Variants in WIPI1 observed in about 807,000 individuals in gnomAD.
WIPI1 encodes WD repeat domain phosphoinositide-interacting protein 1.
Under a neutral mutation model 55.3 loss-of-function variants are expected in WIPI1, and 45 were observed. The observed-to-expected ratio is 0.81, with a 90% CI of 0.64 to 1.04. WIPI1 has a LOEUF of 1.04. WIPI1 is among the 50% of genes least tolerant of loss of function. WIPI1 has a pLI of 0.00. For synonymous variants in WIPI1, 195 were observed against 217.6 expected (o/e 0.90, Z 0.92); for missense variants, 445 against 559.0 (o/e 0.80, Z 2.06).
In WIPI1 at chr17:68,423,211, TA is replaced by T. The variant is rs2082924768; in HGVS notation, c.1294-1392del. Among the ~76,000 whole-genome samples the T allele has an allele frequency of 6.6e-6, 1 of 152,186 alleles. No homozygotes were observed. Among genetic ancestry groups the T allele is most frequent in the African/African-American group, 2.4e-5 (1 of 41,454 alleles). The stretch of plus-strand genomic sequence containing the variant: ...GTGAATTCTGCACAGAGATTTGCAA[TA>T]GGCATGACAATTCAGAATAAGGAGA... On this transcript the variant is annotated intron_variant, in intron 12 of 12. Transcript: ENST00000262139. This position sits in a 1 kb window ranked among gnomAD's most constrained non-coding sequence, Gnocchi z 4.4.
chr17:68,426,538 GTTTTTA>G (rs999191148), intron 11 of WIPI1, among the ~76,000 whole-genome samples: 3 of 151,996 alleles, frequency 2.0e-5, no homozygotes, highest in Admixed American at 6.6e-5. Flanking sequence ...TTTTAGTTTA[GTTTTTA>G]TTTTTTGAAA....
At chr17:68,455,236 G>A (rs980049367) in intron 1 of WIPI1, among the ~76,000 whole-genome samples, 2 of 151,754 alleles carry the variant, frequency 1.3e-5, no homozygotes, top group African/African-American at 4.8e-5. Flanking sequence ...GGTGGTACAC[G>A]TTTGTAATCC....
At chr17:68,428,777 C>T in intron 10 of WIPI1, 52 bp downstream of exon 10, 1 of 1,435,554 alleles carries the variant, frequency 7.0e-7, no homozygotes, top group Non-Finnish European at 9.8e-7. Flanking sequence ...GAAGGGACAA[C>T]TCTACACGAC....
At chr17:68,434,482 C>A in intron 7 of WIPI1, 74 bp downstream of exon 7, 1 of 1,525,866 alleles carries the variant, frequency 6.6e-7, no homozygotes, top group South Asian at 1.2e-5. Flanking sequence ...TCTGTCCTCT[C>A]CCTAGACAGC....
rs534616610 is a variant in WIPI1, at chr17:68,425,289, G to A, written c.1293+786C>T. The stretch of plus-strand genomic sequence containing the variant: ...CACAATCAGAGCTCACTGCAGCCTC[G>A]ACCTCCCAGGCTCAGGTGATCCTCC... On this transcript the variant is annotated intron_variant, in intron 12 of 12. Coordinates refer to ENST00000262139, the MANE Select transcript of WIPI1 (RefSeq NM_017983.7). 7.6e-4 allele frequency among the ~76,000 whole-genome samples: 115 copies of A among 152,158 alleles called. 2 individuals carry two copies. The South Asian group carries it at 0.023, about 31-fold the overall frequency.
intron 12 of WIPI1, among the ~76,000 whole-genome samples, chr17:68,425,478 C>T (rs1316198417): frequency 1.3e-5 from 2 of 151,566 alleles, no homozygotes; most frequent in South Asian, 2.1e-4. Flanking sequence ...GCCTCGGCCT[C>T]CCAAAGTGCT....
intron 3 of WIPI1, among the ~76,000 whole-genome samples, chr17:68,449,995 G>A (rs2909209): frequency 0.78 from 117,952 of 152,046 alleles, 46,110 homozygotes; most frequent in African/African-American, 0.85. Context: ...TGGGCAATAG[G>A]GCAAGACCCT....
chr17:68,450,933 G>C lies in WIPI1; in HGVS notation c.164-36C>G, dbSNP rs540887274. On this transcript the variant is annotated intron_variant, in intron 2 of 12. Transcript: ENST00000262139. The stretch of plus-strand genomic sequence containing the variant: ...AAGCAGCCGGGAGGTTACATGGATT[G>C]ATCACTTCCAAGAAGGATTCCAGCC... The C allele has an allele frequency of 4.7e-5, 75 of 1,587,258 alleles. No homozygotes were observed. In the East Asian group the frequency reaches 1.2e-3, roughly 26 times the overall value.
At chr17:68,448,810 C>A (rs1020611816) in intron 3 of WIPI1, among the ~76,000 whole-genome samples, 1 of 152,220 alleles carries the variant, frequency 6.6e-6, no homozygotes, top group Non-Finnish European at 1.5e-5. Flanking sequence ...CAACAGATTT[C>A]AGTGAAAACA....
intron 1 of WIPI1, among the ~76,000 whole-genome samples, chr17:68,454,894 TGTTTTATGTG>T (rs2084607585): frequency 1.2e-5 from 1 of 86,708 alleles, no homozygotes; most frequent in Non-Finnish European, 2.9e-5. Flanking sequence ...CACAGAGTGA[TGTTTTATGTG>T]ATGTTTTACG....
rs749189899 is a variant in WIPI1 at position 68,427,122 on chromosome 17, C to G, written c.1192+13G>C. 1 of 1,608,498 alleles carries G rather than the reference C, an allele frequency of 6.2e-7. No individual in the cohort carries two copies. Among genetic ancestry groups the G allele is most frequent in the African/African-American group, 1.3e-5 (1 of 74,678 alleles). The stretch of plus-strand genomic sequence containing the variant: ...GTTGGAGATGCTCCCCTGTTGGCCC[C>G]GTGTCCACCCACCTGGCACCGTGGA... On this transcript the variant is annotated intron_variant, in intron 11 of 12. Transcript: ENST00000262139.
chr17:68,426,254 G>GGGCCGCCCCCCCCC, intron 11 of WIPI1, 79 bp from the exon 12 acceptor site: 1 of 816,924 alleles, frequency 1.2e-6, no homozygotes, highest in Non-Finnish European at 1.9e-6. Context: ...GGGAGCGGGG[G>GGGCCGCCCCCCCCC]CTCAAATAAA....
At chr17:68,427,556 CA>C (rs1294657841) in intron 10 of WIPI1, 7 of 214,988 alleles carry the variant, frequency 3.3e-5, no homozygotes, top group Non-Finnish European at 6.6e-5. Context: ...TGGGTTTCAC[CA>C]TGTTGGCCAG....
intron 12 of WIPI1, 59 bp downstream of exon 12, chr17:68,426,016 G>T (rs765080044): frequency 1.4e-6 from 2 of 1,392,132 alleles, no homozygotes; most frequent in Non-Finnish European, 2.0e-6. Context: ...CGTATGAGGC[G>T]AAGGTTTCCT....
Position 68,450,685 on chromosome 17 carries a change from C to CA in WIPI1, c.333+42_333+43insT, listed in dbSNP as rs2084465970. 2.6e-6 allele frequency: 4 copies of CA among 1,563,020 alleles called. No homozygotes were observed. The African/African-American group carries it at 5.5e-5, about 22-fold the overall frequency. Reference sequence around the variant, plus strand: ...GATGTCCATCTTTTTGTTTGGCTCCCGTTAGCAGAAGCTTTGAAACCCTGA... The same window carrying CA: ...GATGTCCATCTTTTTGTTTGGCTCCCAGTTAGCAGAAGCTTTGAAACCCTGA... On this transcript the variant is annotated intron_variant, in intron 3 of 12. Coordinates refer to ENST00000262139, the MANE Select transcript of WIPI1 (RefSeq NM_017983.7).
chr17:68,426,124 T>C lies in WIPI1; in HGVS notation c.1244A>G (p.Glu415Gly). 1 of 1,612,426 alleles carries C rather than the reference T, an allele frequency of 6.2e-7. No homozygotes were observed. Among genetic ancestry groups the C allele is most frequent in the South Asian group, 1.1e-5 (1 of 91,006 alleles). ...ALRGEVIPEHEFATGPVCLDD... is the reference protein window; with the variant it reads ...ALRGEVIPEHGFATGPVCLDD... ...AAGACACACTGGTCCCGTCGCAAAC[T>C]CATGTTCAGGAATAACTTCTCCTCG... Residue 415 changes from glutamate to glycine, a missense_variant, in exon 12 of 13, where the codon GAG (glutamate) becomes GGG (glycine). Physicochemically the swap from Glu to Gly is moderately conservative, Grantham distance 98. Transcript: ENST00000262139.
Position 68,430,015 on chromosome 17 carries a change from TC to T in WIPI1, c.945del (p.Asn316ThrfsTer15), listed in dbSNP as rs778463639. ...ATARLNFSGQRNICTLSTIQK... is the reference protein window; with the variant it reads ...ATARLNFSGQXNICTLSTIQK... ...ACGTACGTTGAGAGGGTACAGATGT[TC>T]CTCTGTCCGGAGAAGTTCAAGCGTG... On this transcript the variant is annotated frameshift_variant, in exon 9 of 13. Transcript: ENST00000262139. LOFTEE classifies it high-confidence loss of function. The T allele has an allele frequency of 3.1e-6, 5 of 1,614,066 alleles. No individual in the cohort carries two copies. The highest frequency in any genetic ancestry group is 4.2e-6 in the Non-Finnish European group (5 of 1,180,042).
rs556777098 is a variant in WIPI1 at position 68,433,760 on chromosome 17, G to GTTTTTTTTTT, written c.693-195_693-186dup. Among the ~76,000 whole-genome samples the GTTTTTTTTTT allele has an allele frequency of 2.3e-4, 17 of 72,822 alleles. 3 individuals carry two copies. Among genetic ancestry groups the GTTTTTTTTTT allele is most frequent in the African/African-American group, 8.5e-4 (13 of 15,268 alleles). The allele number at this position is 72,822 out of a possible 152,430, so 47.8% of individuals were successfully genotyped here. A position where few individuals can be genotyped will look rare whatever the true frequency, so the allele number is the denominator to read the frequency against. ...TCAGAAAGATTCACAAAGGGTCATA[G>GTTTTTTTTTT]TTTTTTTTTTTTTTTTTTTTTTTTT... On this transcript the variant is annotated intron_variant, in intron 7 of 12. Coordinates refer to ENST00000262139, the MANE Select transcript of WIPI1 (RefSeq NM_017983.7).
intron 8 of WIPI1, among the ~76,000 whole-genome samples, chr17:68,431,443 G>A (rs2083506219): frequency 1.3e-5 from 2 of 152,100 alleles, no homozygotes; most frequent in African/African-American, 4.8e-5. Context: ...AGGAGGTTCT[G>A]GGGGTGGTGG....
Sources: allele counts gnomAD v4.1 joint callset (sites outside exome capture counted in the v4.1 genomes callset), GRCh38; gene constraint gnomAD v4.1.1; non-coding constraint Gnocchi (gnomAD v3.1); transcripts MANE v1.5; gene names NCBI Gene and HGNC (gene_info 2026-07-23, HGNC 2026-07-21).